The following MRPS15 variants were observed in gnomAD, a reference collection of about 807,000 sequenced individuals.
MRPS15 encodes mitochondrial ribosomal protein S15.
Under a neutral mutation model 30.7 loss-of-function variants are expected in MRPS15, and 25 were observed. The observed-to-expected ratio is 0.81, with a 90% CI of 0.59 to 1.14. MRPS15 has a LOEUF of 1.14. Among genes scored for constraint, MRPS15 ranks in the 50% most tolerant of loss-of-function variants. The pLI is 0.00. For missense variants in MRPS15, 313 were observed against 321.7 expected (o/e 0.97, Z 0.21); for synonymous variants, 124 against 120.1 (o/e 1.03, Z -0.21).
rs775041749 is a variant in MRPS15 at position 36,458,149 on chromosome 1, C to A, written c.386-168G>T. ...CAAGATTTCAAAGGCTTATCTTAGA[C>A]ATTACCTTCCCTTAAAAAGCAAAAT... On this transcript the variant is annotated intron_variant, in intron 5 of 7. Coordinates refer to ENST00000373116, the MANE Select transcript of MRPS15 (RefSeq NM_031280.4). The surrounding 1 kb of genome is among the most constrained non-coding windows in gnomAD (Gnocchi z 4.5). 1 of 580,046 alleles carries A rather than the reference C, an allele frequency of 1.7e-6. No homozygotes were observed. The highest frequency in any genetic ancestry group is 2.9e-5 in the East Asian group (1 of 34,084). The allele number at this position is 580,046 out of a possible 1,614,324, so 35.9% of individuals were successfully genotyped here.
intron 6 of MRPS15, 107 bp from the exon 7 acceptor site, chr1:36,456,485 T>G (rs184151644): frequency 2.8e-6 from 3 of 1,070,324 alleles, no homozygotes; most frequent in Admixed American, 6.1e-5. Context: ...AGTAATCTTA[T>G]GCAAATATTA....
intron 2 of MRPS15, 32 bp downstream of exon 2, chr1:36,463,770 CTCTT>C: frequency 1.9e-6 from 3 of 1,598,356 alleles, no homozygotes; most frequent in Non-Finnish European, 1.7e-6. Flanking sequence ...CAGGAGGTCT[CTCTT>C]CCGCCCCAAG....
At position 36,456,655 on chromosome 1, in the gene MRPS15, C is replaced by T. The variant is rs570896146; in HGVS notation, c.445-277G>A. 1.7e-4 allele frequency: 56 copies of T among 332,516 alleles called. No individual in the cohort carries two copies. The South Asian group carries it at 2.0e-3, about 12-fold the overall frequency. 20.6% of individuals were successfully genotyped at this position (332,516 alleles called of 1,614,324 possible). ...TATTGGTCTGACTTCAAACCTCATG[C>T]TCTTTCTCCTACACTACCCACTCAG... On this transcript the variant is annotated intron_variant, in intron 6 of 7. Transcript: ENST00000373116.
chr1:36,459,261 G>A (rs905024950), intron 5 of MRPS15: 2 of 152,092 alleles, frequency 1.3e-5, no homozygotes, highest in Non-Finnish European at 2.9e-5. Context: ...TGACATGGTT[G>A]TGCATGCCTT....
chr1:36,460,620 A>T, intron 5 of MRPS15, 72 bp downstream of exon 5: 1 of 1,165,802 alleles, frequency 8.6e-7, no homozygotes, highest in Admixed American at 1.7e-5. Flanking sequence ...GTGCTTGTAG[A>T]CAAGAGCCCT....
At chr1:36,456,508 A>G (rs958394789) in intron 6 of MRPS15, 130 bp from the exon 7 acceptor site, 12 of 856,686 alleles carry the variant, frequency 1.4e-5, no homozygotes, top group Non-Finnish European at 2.1e-5. Context: ...GCAATTCTGA[A>G]GGAGGTATTA....
In MRPS15 at chr1:36,463,027, C is replaced by T. The variant is rs573948422; in HGVS notation, c.175+779G>A. 4.5e-4 allele frequency among the ~76,000 whole-genome samples: 68 copies of T among 152,092 alleles called. No homozygotes were observed. In the Middle Eastern group the frequency reaches 0.01, roughly 23 times the overall value. ...TCACCCAGGCTGGAGTGCAGTGGCA[C>T]GATCGGCTCACTGCAACCTCCACCT... On this transcript the variant is annotated intron_variant, in intron 2 of 7. Transcript: ENST00000373116.
intron 5 of MRPS15, chr1:36,459,451 C>T (rs1650055483): frequency 6.6e-6 from 1 of 151,686 alleles, no homozygotes; most frequent in Non-Finnish European, 1.5e-5. Flanking sequence ...AAGACGACCC[C>T]AGTAACCACC....
chr1:36,458,099 A>G lies in MRPS15; in HGVS notation c.386-118T>C. 2 of 788,940 alleles carry G rather than the reference A, an allele frequency of 2.5e-6. No individual in the cohort carries two copies. The highest frequency in any genetic ancestry group is 2.1e-6 in the Non-Finnish European group (1 of 467,258). The allele number at this position is 788,940 out of a possible 1,614,324, so 48.9% of individuals were successfully genotyped here. On this transcript the variant is annotated intron_variant, in intron 5 of 7. Transcript: ENST00000373116. The surrounding 1 kb of genome is among the most constrained non-coding windows in gnomAD (Gnocchi z 4.5). ...TCACCAATGCTCTGTACAGCTCTCT[A>G]TAAATCCCAAATCACTCTGAATTTC...
chr1:36,461,848 A>C (rs1650105809), intron 3 of MRPS15, among the ~76,000 whole-genome samples: 1 of 152,160 alleles, frequency 6.6e-6, no homozygotes, highest in Non-Finnish European at 1.5e-5. Flanking sequence ...GCTCCTTGGA[A>C]TCTAGTGGTA....
rs1390934145 is a variant in MRPS15, at chr1:36,464,211, A to G, written c.65T>C (p.Val22Ala). 1 of 1,614,042 alleles carries G rather than the reference A, an allele frequency of 6.2e-7. No individual in the cohort carries two copies. The highest frequency in any genetic ancestry group is 2.2e-5 in the East Asian group (1 of 44,854). The change falls in exon 1 of 8, where the codon GTA (valine) becomes GCA (alanine). Residue 22 changes from valine to alanine, a missense_variant. Physicochemically the swap from Val to Ala is moderately conservative, Grantham distance 64. Transcript: ENST00000373116. ...GCTCCCACCGCCCGGCAGCCCGGGT[A>G]CTAGGACCTGGGTAACTGCCCGGGT... ...IRTRAVTQVLVPGLPGGGSAK... is the reference protein window; with the variant it reads ...IRTRAVTQVLAPGLPGGGSAK...
rs148567017 is a variant in MRPS15 at position 36,461,267 on chromosome 1, G to A, written c.297C>T (p.Asn99=). The A allele has an allele frequency of 1.9e-6, 3 of 1,614,218 alleles. No homozygotes were observed. Among genetic ancestry groups the A allele is most frequent in the Non-Finnish European group, 2.5e-6 (3 of 1,180,046 alleles). The part of the protein sequence containing the change: ...VKRLLSLEMA[N]KKEMLKIKQE... ...AGGCTTGGCAGAGGCTGCTCACCTTGTTGGCCATTTCCAAAGACAAGAGTC... is the reference window on the plus strand; with the variant it reads ...AGGCTTGGCAGAGGCTGCTCACCTTATTGGCCATTTCCAAAGACAAGAGTC... The change falls in exon 4 of 8, where the codon AAC becomes AAT. Residue 99 remains asparagine (N), a synonymous_variant. Coordinates refer to ENST00000373116, the MANE Select transcript of MRPS15 (RefSeq NM_031280.4).
At chr1:36,461,233 G>A (rs748950325) in intron 4 of MRPS15, 31 bp downstream of exon 4, 171 of 1,612,570 alleles carry the variant, frequency 1.1e-4, no homozygotes, top group Non-Finnish European at 3.5e-5. Context: ...AGAAGACTGC[G>A]GGAGGCTGAG....
chr1:36,458,214 C>T lies in MRPS15; in HGVS notation c.386-233G>A. On this transcript the variant is annotated intron_variant, in intron 5 of 7. Coordinates refer to ENST00000373116, the MANE Select transcript of MRPS15 (RefSeq NM_031280.4). The surrounding 1 kb of genome is among the most constrained non-coding windows in gnomAD (Gnocchi z 4.5). ...TCCCTTAATATTATAAAGATATCAT[C>T]CAAAAATCATAGCAAATAGCATTCT... 4.2e-6 allele frequency: 2 copies of T among 470,718 alleles called. No homozygotes were observed. The highest frequency in any genetic ancestry group is 7.6e-6 in the Non-Finnish European group (2 of 263,278). 29.2% of individuals were successfully genotyped at this position (470,718 alleles called of 1,614,324 possible).
Position 36,456,373 on chromosome 1 carries a change from T to C in MRPS15, c.450A>G (p.Lys150=). The C allele has an allele frequency of 2.5e-6, 4 of 1,601,318 alleles. 1 individual carries two copies. In the South Asian group the frequency reaches 4.4e-5, roughly 18 times the overall value. The change falls in exon 7 of 8, where the codon AAA becomes AAG. Residue 150 remains lysine, a synonymous_variant. Coordinates refer to ENST00000373116, the MANE Select transcript of MRPS15 (RefSeq NM_031280.4). ...EEHLEKHRKD[K]AHKRYLLMSI... Reference sequence around the variant, plus strand: ...TCATTAGCAGATAGCGTTTGTGGGCTTTGTCCTGCAAGAGATTCTCATTAC... The same window carrying C: ...TCATTAGCAGATAGCGTTTGTGGGCCTTGTCCTGCAAGAGATTCTCATTAC...
At chr1:36,462,913 C>A (rs1055997796) in intron 2 of MRPS15, among the ~76,000 whole-genome samples, 2 of 152,146 alleles carry the variant, frequency 1.3e-5, no homozygotes, top group Admixed American at 6.5e-5. Flanking sequence ...CTCAAGTGAT[C>A]CTCCAGCCTT....
intron 6 of MRPS15, among the ~76,000 whole-genome samples, chr1:36,457,057 A>G (rs1421128172): frequency 6.6e-6 from 1 of 152,184 alleles, no homozygotes; most frequent in African/African-American, 2.4e-5. Context: ...TGGGGAGATC[A>G]CGAGGTCAGG....
At chr1:36,460,041 C>G (rs189082007) in intron 5 of MRPS15, among the ~76,000 whole-genome samples, 8 of 152,194 alleles carry the variant, frequency 5.3e-5, no homozygotes, top group African/African-American at 1.9e-4. Context: ...GACGGAGTCT[C>G]GCTCTGTTGC....
At chr1:36,460,876 G>C (rs1650084298) in intron 4 of MRPS15, 100 bp from the exon 5 acceptor site, 3 of 950,952 alleles carry the variant, frequency 3.2e-6, no homozygotes, top group Admixed American at 4.0e-5. Flanking sequence ...TAGCAACTAG[G>C]GCCATAAGGC....
Sources: gnomAD v4.1 joint callset for allele counts (sites outside exome capture counted in the v4.1 genomes callset) on GRCh38, gnomAD v4.1.1 for gene constraint, Gnocchi (gnomAD v3.1) non-coding constraint, MANE v1.5 for transcripts, NCBI Gene and HGNC (gene_info 2026-07-23, HGNC 2026-07-21) for gene names.